The following FAAH2 variants were observed in gnomAD, a reference collection of about 807,000 sequenced individuals.
FAAH2 encodes the protein fatty-acid amide hydrolase 2.
A neutral mutation model predicts 36.9 loss-of-function variants in FAAH2; 60 were observed. The ratio of observed to expected loss-of-function variants is 1.63; its 90% confidence interval spans 1.32 to 2.02. FAAH2 has a LOEUF of 2.02. Ranked by LOEUF, FAAH2 falls within the 30% of genes most tolerant of loss-of-function variation. The pLI, the probability that FAAH2 is intolerant of heterozygous loss-of-function variation, is 0.00. For missense variants in FAAH2, 689 were observed against 397.5 expected, an observed-to-expected ratio of 1.73 and a Z score of -6.23; for synonymous variants, 214 against 143.8, an observed-to-expected ratio of 1.49 and a Z score of -3.49.
chrX:57,441,432 G>A, intron 8 of FAAH2, among the ~76,000 whole-genome samples: 1 of 111,035 alleles, frequency 9.0e-6, no homozygotes, highest in Non-Finnish European at 1.9e-5. Context: ...GTATTTCTTT[G>A]GGATTGGTGG....
At chrX:57,301,480 G>A (rs1382201222) in intron 2 of FAAH2, among the ~76,000 whole-genome samples, 2 of 96,954 alleles carry the variant, frequency 2.1e-5, no homozygotes, top group South Asian at 6.4e-4. Flanking sequence ...GGGGAGGGGG[G>A]ATGGATAGCA....
chrX:57,437,289 G>C (rs1357672665), intron 8 of FAAH2, among the ~76,000 whole-genome samples: 1 of 110,925 alleles, frequency 9.0e-6, no homozygotes, highest in Non-Finnish European at 1.9e-5. Context: ...ATGGAGAAAA[G>C]TTGAAAGCAT....
intron 10 of FAAH2, among the ~76,000 whole-genome samples, chrX:57,479,832 A>G (rs1402311218): frequency 5.4e-5 from 6 of 111,147 alleles, no homozygotes; most frequent in African/African-American, 2.0e-4. Flanking sequence ...CCACTTGATC[A>G]TGGTGGATAA....
At chrX:57,371,150 T>G (rs148607953) in intron 5 of FAAH2, among the ~76,000 whole-genome samples, 1,621 of 111,728 alleles carry the variant, frequency 0.015, 40 homozygotes, top group African/African-American at 0.05. Context: ...GCAGGTTTCT[T>G]GCAAAGGTCT....
At chrX:57,296,335 C>A (rs1408201086) in intron 2 of FAAH2, among the ~76,000 whole-genome samples, 1 of 111,928 alleles carries the variant, frequency 8.9e-6, no homozygotes, top group Admixed American at 9.4e-5. Context: ...GATACCCAGG[C>A]AAACAGGGTC....
the FAAH2 span, among the ~76,000 whole-genome samples, chrX:57,247,877 A>G: frequency 8.9e-6 from 1 of 112,501 alleles, no homozygotes; most frequent in Non-Finnish European, 1.9e-5. Context: ...AGTGTTGTAG[A>G]TGAGAGACCG....
intron 9 of FAAH2, among the ~76,000 whole-genome samples, chrX:57,448,108 A>G (rs1352830528): frequency 9.0e-6 from 1 of 110,535 alleles, no homozygotes; most frequent in East Asian, 2.9e-4. Flanking sequence ...TCCTGCCTCA[A>G]CTCCTAAGTT....
At chrX:57,168,031 C>A in the FAAH2 span, among the ~76,000 whole-genome samples, 2 of 111,424 alleles carry the variant, frequency 1.8e-5, no homozygotes, top group Non-Finnish European at 3.8e-5. Context: ...TATGAATTGA[C>A]AGAAATATAA....
At chrX:57,454,328 A>G (rs1196560847) in intron 10 of FAAH2, among the ~76,000 whole-genome samples, 1 of 112,295 alleles carries the variant, frequency 8.9e-6, no homozygotes, top group Non-Finnish European at 1.9e-5. Context: ...ACTATCCTCA[A>G]CTTATCTCAC....
chrX:57,282,595 T>C (rs1221530642), upstream of FAAH2, among the ~76,000 whole-genome samples: 2 of 112,233 alleles, frequency 1.8e-5, no homozygotes, highest in Non-Finnish European at 1.9e-5. Flanking sequence ...AGTTGACTTC[T>C]TTTCTGAATG....
chrX:57,378,638 T>C lies in FAAH2; in HGVS notation c.743-13T>C, dbSNP rs1001772422. On this transcript the variant is annotated splice_polypyrimidine_tract_variant and intron_variant, in intron 5 of 10. Coordinates refer to ENST00000374900, the MANE Select transcript of FAAH2 (RefSeq NM_174912.4). ...TTATTTTGGGCGGCTAACCTGACTG[T>C]CTATCCTTTCAGGTGTGGTTCCCAA... is the stretch of plus-strand genomic sequence containing the variant. 9 of 1,210,362 alleles carry C rather than the reference T, an allele frequency of 7.4e-6. No homozygotes were observed. The highest frequency in any genetic ancestry group is 8.9e-6 in the Non-Finnish European group (8 of 894,715).
At chrX:57,410,892 A>T (rs1360182461) in intron 7 of FAAH2, among the ~76,000 whole-genome samples, 1 of 111,373 alleles carries the variant, frequency 9.0e-6, no homozygotes, top group Non-Finnish European at 1.9e-5. Context: ...CTTTAAAGTG[A>T]TTATTTTGAA....
At chrX:57,332,598 T>A (rs1351929911) in intron 4 of FAAH2, among the ~76,000 whole-genome samples, 2 of 111,643 alleles carry the variant, frequency 1.8e-5, no homozygotes, top group Non-Finnish European at 3.8e-5. Flanking sequence ...AAACCTAAGC[T>A]ATAACTGATG....
intron 7 of FAAH2, among the ~76,000 whole-genome samples, chrX:57,424,102 A>T (rs939228701): frequency 8.9e-6 from 1 of 112,046 alleles, no homozygotes; most frequent in African/African-American, 3.2e-5. Context: ...GTACATTAAG[A>T]CTACAATTGG....
At chrX:57,385,119 A>G (rs1199507521) in intron 7 of FAAH2, among the ~76,000 whole-genome samples, 2 of 109,464 alleles carry the variant, frequency 1.8e-5, no homozygotes, top group Non-Finnish European at 3.8e-5. Flanking sequence ...ATCACACACC[A>G]GGGCCTGTTG....
At chrX:57,194,572 TAA>T in the FAAH2 span, among the ~76,000 whole-genome samples, 1 of 111,565 alleles carries the variant, frequency 9.0e-6, no homozygotes, top group Non-Finnish European at 1.9e-5. Context: ...CTGATTTTAT[TAA>T]GATTTATTTA....
At chrX:57,330,621 G>A (rs1482363691) in intron 3 of FAAH2, among the ~76,000 whole-genome samples, 1 of 111,137 alleles carries the variant, frequency 9.0e-6, no homozygotes, top group Non-Finnish European at 1.9e-5. Flanking sequence ...CCTTTTGAAC[G>A]TCCCTAATAA....
chrX:57,393,778 T>C, intron 7 of FAAH2: 1 of 913,807 alleles, frequency 1.1e-6, no homozygotes, highest in Admixed American at 2.2e-5. Context: ...GGACCGTCTG[T>C]GTGTGACTTT....
chrX:57,237,185 T>C, the FAAH2 span, among the ~76,000 whole-genome samples: 1 of 111,708 alleles, frequency 9.0e-6, no homozygotes, highest in Admixed American at 9.5e-5. Flanking sequence ...GAATTAATTT[T>C]GGGTTCTCAA....
Sources: allele counts gnomAD v4.1 joint callset (sites outside exome capture counted in the v4.1 genomes callset), GRCh38; gene constraint gnomAD v4.1.1; transcripts MANE v1.5; gene names NCBI Gene and HGNC (gene_info 2026-07-23, HGNC 2026-07-21).